The following TPRX1 variants were observed in gnomAD, a reference collection of about 807,000 sequenced individuals.
TPRX1 encodes tetra-peptide repeat homeobox protein 1.
A neutral mutation model predicts 8.1 loss-of-function variants in TPRX1; 2 were observed. That is an observed-to-expected ratio of 0.25 (90% CI 0.10 to 0.78). TPRX1 has a LOEUF of 0.78. Among genes scored for constraint, TPRX1 ranks in the 30% least tolerant of loss-of-function variants. The pLI, the probability that TPRX1 is intolerant of heterozygous loss-of-function variation, is 0.70. For missense variants in TPRX1, 517 were observed against 586.9 expected (o/e 0.88, Z 1.23); for synonymous variants, 257 against 254.1 (o/e 1.01, Z -0.11).
At chr19:47,813,754 C>G (rs1487755512) in intron 2 of TPRX1, among the ~76,000 whole-genome samples, 3 of 152,000 alleles carry the variant, frequency 2.0e-5, no homozygotes, top group Non-Finnish European at 4.4e-5. Context: ...GTCTGTCCCC[C>G]AACCCCCAAA....
chr19:47,816,158 T>A (rs1489564747), intron 2 of TPRX1, among the ~76,000 whole-genome samples: 1 of 151,338 alleles, frequency 6.6e-6, no homozygotes, highest in Non-Finnish European at 1.5e-5. Context: ...ATCCTCCGCC[T>A]CGCGGGTTCA....
chr19:47,809,933 G>T (rs964072268), intron 2 of TPRX1, among the ~76,000 whole-genome samples: 1 of 151,950 alleles, frequency 6.6e-6, no homozygotes, highest in African/African-American at 2.4e-5. Flanking sequence ...GAATGAAGTC[G>T]GTGGAAAAGT....
intron 2 of TPRX1, among the ~76,000 whole-genome samples, chr19:47,811,655 C>A (rs771969114): frequency 2.0e-5 from 3 of 151,824 alleles, no homozygotes; most frequent in African/African-American, 7.3e-5. Context: ...TGCGCCACCA[C>A]GCCCAGCTAA....
intron 2 of TPRX1, among the ~76,000 whole-genome samples, chr19:47,815,147 A>ATATATAT (rs1967825728): frequency 2.9e-5 from 1 of 35,006 alleles, no homozygotes; most frequent in Non-Finnish European, 6.1e-5. Flanking sequence ...TATATATGCA[A>ATATATAT]ATATATATAT....
intron 2 of TPRX1, among the ~76,000 whole-genome samples, chr19:47,812,760 C>G (rs1361862632): frequency 6.6e-6 from 1 of 151,752 alleles, no homozygotes; most frequent in African/African-American, 2.4e-5. Flanking sequence ...GCACTTCATC[C>G]TGGGCCACAG....
chr19:47,818,168 T>C (rs1201186839), intron 2 of TPRX1, among the ~76,000 whole-genome samples: 1 of 152,060 alleles, frequency 6.6e-6, no homozygotes, highest in African/African-American at 2.4e-5. Flanking sequence ...CCAGTGTCTC[T>C]ACCTGGTTCT....
At chr19:47,815,939 G>A (rs1259697310) in intron 2 of TPRX1, among the ~76,000 whole-genome samples, 1 of 152,144 alleles carries the variant, frequency 6.6e-6, no homozygotes, top group African/African-American at 2.4e-5. Flanking sequence ...ACCCTGGAGT[G>A]TTTCTTTGGG....
chr19:47,809,445 G>A (rs2123716031), intron 2 of TPRX1, among the ~76,000 whole-genome samples: 1 of 151,808 alleles, frequency 6.6e-6, no homozygotes, highest in African/African-American at 2.4e-5. Flanking sequence ...ACCACATCTG[G>A]CTAATTTTTG....
At chr19:47,808,719 A>T (rs112579921) in intron 2 of TPRX1, among the ~76,000 whole-genome samples, 2 of 146,928 alleles carry the variant, frequency 1.4e-5, no homozygotes, top group Non-Finnish European at 3.0e-5. Flanking sequence ...GCCTCCCAAA[A>T]TGCTGGGATT....
At chr19:47,808,085 A>C (rs1484335115) in intron 2 of TPRX1, among the ~76,000 whole-genome samples, 1 of 151,968 alleles carries the variant, frequency 6.6e-6, no homozygotes, top group South Asian at 2.1e-4. Flanking sequence ...AAGTACCACC[A>C]TGTCCGGGTA....
In TPRX1 at chr19:47,818,340, T is replaced by TCATCCATC. The variant is rs368266036; in HGVS notation, c.151+120_151+127dup. 1,252 of 228,368 alleles carry TCATCCATC rather than the reference T, an allele frequency of 5.5e-3. 60 individuals carry two copies. The highest frequency in any genetic ancestry group is 0.048 in the African/African-American group (901 of 18,780). The allele number at this position is 228,368 out of a possible 1,614,324, so 14.1% of individuals were successfully genotyped here. A position where few individuals can be genotyped will look rare whatever the true frequency, so the allele number is the denominator to read the frequency against. On this transcript the variant is annotated intron_variant, in intron 2 of 3. Transcript: ENST00000535759. Reference sequence around the variant, plus strand: ...ATCCATCCATCCATCCATCCATCCATCATCCATCCATCCATCCATCCATCC... The same window carrying TCATCCATC: ...ATCCATCCATCCATCCATCCATCCATCATCCATCCATCCATCCATCCATCCATCCATCC...
At chr19:47,803,213 G>C (rs1238522098) in intron 3 of TPRX1, among the ~76,000 whole-genome samples, 1 of 151,064 alleles carries the variant, frequency 6.6e-6, no homozygotes, top group African/African-American at 2.5e-5. Context: ...TGCCGCCCAG[G>C]TGCCCGGGGG....
intron 2 of TPRX1, among the ~76,000 whole-genome samples, chr19:47,813,927 A>T (rs189105530): frequency 1.1e-5 from 1 of 93,240 alleles, no homozygotes; most frequent in East Asian, 3.5e-4. Context: ...ACCAGAAGAC[A>T]GAGGGGACAG....
At chr19:47,802,305 G>T in exon 4 of TPRX1, 2 of 1,315,556 alleles carry the variant, frequency 1.5e-6, no homozygotes, top group Non-Finnish European at 2.1e-6. Context: ...ATCGGGCCTG[G>T]GTTCGGGCCT....
chr19:47,803,169 G>A (rs1162403447), intron 3 of TPRX1, among the ~76,000 whole-genome samples, 189 bp from the exon 3 acceptor site: 1 of 150,406 alleles, frequency 6.6e-6, no homozygotes, highest in Non-Finnish European at 1.5e-5. Flanking sequence ...AAAGTAGGGG[G>A]AGGAGGGTGG....
exon 4 of TPRX1, chr19:47,802,776 C>T (rs192981266): frequency 1.2e-6 from 2 of 1,604,884 alleles, no homozygotes; most frequent in East Asian, 2.2e-5. Context: ...CACCCAGGGC[C>T]ACCCCAGGCC....
chr19:47,815,114 T>TTATATATATATATATATATATA (rs548380113), intron 2 of TPRX1, among the ~76,000 whole-genome samples: 59 of 63,344 alleles, frequency 9.3e-4, no homozygotes, highest in Non-Finnish European at 9.6e-4. Context: ...AATAGATAAA[T>TTATATATATATATATATATATA]TATATATATA....
exon 4 of TPRX1, chr19:47,802,177 T>G: frequency 6.2e-7 from 1 of 1,607,090 alleles, no homozygotes; most frequent in Non-Finnish European, 8.5e-7. Flanking sequence ...GGAGTCTGCC[T>G]GGGCCTGGGA....
chr19:47,815,295 C>A (rs1260850959), intron 2 of TPRX1, among the ~76,000 whole-genome samples: 2 of 146,696 alleles, frequency 1.4e-5, no homozygotes, highest in Non-Finnish European at 3.0e-5. Context: ...GTTGGGATTA[C>A]AGGCGTGCAA....
Sources: allele counts gnomAD v4.1 joint callset (sites outside exome capture counted in the v4.1 genomes callset), GRCh38; gene constraint gnomAD v4.1.1; transcripts MANE v1.5; gene names NCBI Gene and HGNC (gene_info 2026-07-23, HGNC 2026-07-21).